Variants in KIF26A observed in about 807,000 individuals in gnomAD.
KIF26A encodes the protein kinesin-like protein KIF26A.
KIF26A carries 74 observed loss-of-function variants against 126.0 expected under a neutral mutation model. The observed-to-expected ratio is 0.59, with a 90% CI of 0.49 to 0.71. The LOEUF is 0.71. Ranked by LOEUF, KIF26A falls within the 30% of genes least tolerant of loss-of-function variation. KIF26A has a pLI of 0.00. For synonymous variants in KIF26A, 1,445 were observed against 1,232.7 expected (o/e 1.17, Z -3.61); for missense variants, 2,984 against 2,763.3 (o/e 1.08, Z -1.79).
intron 2 of KIF26A, among the ~76,000 whole-genome samples, chr14:104,150,254 G>A (rs955450648): frequency 5.6e-5 from 8 of 141,872 alleles, no homozygotes; most frequent in Non-Finnish European, 1.1e-4. Flanking sequence ...AGGGCTCCTT[G>A]TGGCTGACCT....
At chr14:104,165,345 A>G (rs1423135998) in intron 4 of KIF26A, among the ~76,000 whole-genome samples, 10 of 119,594 alleles carry the variant, frequency 8.4e-5, no homozygotes, top group Non-Finnish European at 3.3e-5. Context: ...GTGTGTCTGT[A>G]TCATGTGTGC....
At chr14:104,165,619 GTA>G (rs1421944818) in intron 4 of KIF26A, among the ~76,000 whole-genome samples, 3 of 145,408 alleles carry the variant, frequency 2.1e-5, no homozygotes, top group African/African-American at 5.5e-5. Flanking sequence ...CTCTGTCTCT[GTA>G]TGCATGTGTG....
In KIF26A at chr14:104,157,157, C is replaced by T. The variant is rs75342798; in HGVS notation, c.736-598C>T. On this transcript the variant is annotated intron_variant, in intron 3 of 14. Transcript: ENST00000423312. ...GGAGCTCACGTTTGCTGGGCTGTCCCGGGCGTTTAATTACGTTTGTGCTTC... is the reference window on the plus strand; with the variant it reads ...GGAGCTCACGTTTGCTGGGCTGTCCTGGGCGTTTAATTACGTTTGTGCTTC... 9.2e-5 allele frequency among the ~76,000 whole-genome samples: 14 copies of T among 152,242 alleles called. No individual in the cohort carries two copies. In the East Asian group the frequency reaches 9.7e-4, roughly 11 times the overall value.
At chr14:104,157,181 TC>T (rs1350834615) in intron 3 of KIF26A, among the ~76,000 whole-genome samples, 1 of 152,170 alleles carries the variant, frequency 6.6e-6, no homozygotes, top group Non-Finnish European at 1.5e-5. Flanking sequence ...CGTTTGTGCT[TC>T]ATTATGAGGA....
chr14:104,160,586 G>A (rs1249008705), intron 4 of KIF26A, among the ~76,000 whole-genome samples: 1 of 152,208 alleles, frequency 6.6e-6, no homozygotes, highest in Non-Finnish European at 1.5e-5. Flanking sequence ...CCCAGCAAGT[G>A]TTCGGGAGGG....
chr14:104,168,198 C>T (rs1415014197), intron 5 of KIF26A, among the ~76,000 whole-genome samples: 5 of 152,152 alleles, frequency 3.3e-5, no homozygotes, highest in South Asian at 2.1e-4. Flanking sequence ...GTGCCAGGCT[C>T]GTGGGAGGGT....
At chr14:104,141,363 C>T (rs2037635461) in intron 2 of KIF26A, among the ~76,000 whole-genome samples, 1 of 152,236 alleles carries the variant, frequency 6.6e-6, no homozygotes, top group African/African-American at 2.4e-5. Context: ...AGATGAGCTT[C>T]CTTGAGGATA....
intron 3 of KIF26A, 95 bp from the exon 4 acceptor site, chr14:104,157,660 G>A (rs2037792477): frequency 1.5e-6 from 2 of 1,338,608 alleles, no homozygotes; most frequent in East Asian, 5.4e-5. Flanking sequence ...GCTGGGCTCT[G>A]GGGTGCCCAG....
At position 104,176,017 on chromosome 14, in the gene KIF26A, A is replaced by G. The variant is rs756106473; in HGVS notation, c.3229A>G (p.Ser1077Gly). Reference sequence around the variant, plus strand: ...GGGGTCCCGGCCAGTCAGCATCATCAGCAGCATCAATGATGAGTTTGACGC... The same window carrying G: ...GGGGTCCCGGCCAGTCAGCATCATCGGCAGCATCAATGATGAGTTTGACGC... Reference protein sequence around the residue: ...ASGSRPVSIISSINDEFDAYT... With the variant: ...ASGSRPVSIIGSINDEFDAYT... Residue 1077 changes from serine (S) to glycine (G), a missense_variant, in exon 12 of 15, where the codon AGC (serine) becomes GGC (glycine). Physicochemically the swap from Ser to Gly is moderately conservative, Grantham distance 56. Coordinates refer to ENST00000423312, the MANE Select transcript of KIF26A (RefSeq NM_015656.2). The G allele has an allele frequency of 8.2e-6, 13 of 1,591,278 alleles. No individual in the cohort carries two copies. The highest frequency in any genetic ancestry group is 1.3e-5 in the African/African-American group (1 of 74,638).
chr14:104,174,272 G>A lies in KIF26A; in HGVS notation c.2155G>A (p.Ala719Thr), dbSNP rs1253740821. 12 of 1,559,564 alleles carry A rather than the reference G, an allele frequency of 7.7e-6. No homozygotes were observed. Among genetic ancestry groups the A allele is most frequent in the Admixed American group, 1.9e-5 (1 of 53,254 alleles). The change falls in exon 11 of 15, where the codon GCC (alanine) becomes ACC (threonine). Residue 719 changes from alanine (A) to threonine (T), a missense_variant. Physicochemically the swap from Ala to Thr is moderately conservative, Grantham distance 58 (BLOSUM62 0). Transcript: ENST00000423312. ...HAETLSTVQL[A>T]ARIHRLRRKK... ...AGAGACACTCAGCACCGTGCAGCTC[G>A]CCGCCCGCATCCACCGCCTGCGCAG...
intron 5 of KIF26A, among the ~76,000 whole-genome samples, chr14:104,168,924 CTT>C (rs1480818047): frequency 6.6e-6 from 1 of 152,046 alleles, no homozygotes; most frequent in Non-Finnish European, 1.5e-5. Flanking sequence ...CTGGAAATCT[CTT>C]TGCCTAGCAC....
chr14:104,148,982 G>A lies in KIF26A; in HGVS notation c.289-3033G>A, dbSNP rs2037703953. 6.6e-6 allele frequency among the ~76,000 whole-genome samples: 1 copy of A among 152,210 alleles called. No individual in the cohort carries two copies. Among genetic ancestry groups the A allele is most frequent in the Admixed American group, 6.5e-5 (1 of 15,286 alleles). On this transcript the variant is annotated intron_variant, in intron 2 of 14. Transcript: ENST00000423312. The surrounding 1 kb of genome is among the most constrained non-coding windows in gnomAD (Gnocchi z 4.3). Reference sequence around the variant, plus strand: ...GGTCTCGGGTCCTCTGGGCTGGGCTGTGTGGCTCTGAGTGGCCCCGGCAAG... The same window carrying A: ...GGTCTCGGGTCCTCTGGGCTGGGCTATGTGGCTCTGAGTGGCCCCGGCAAG...
chr14:104,147,139 G>A (rs1440967722), intron 2 of KIF26A, among the ~76,000 whole-genome samples: 1 of 152,176 alleles, frequency 6.6e-6, no homozygotes, highest in African/African-American at 2.4e-5. Flanking sequence ...AGTGCACTGA[G>A]CATGCCTCTG....
intron 2 of KIF26A, among the ~76,000 whole-genome samples, chr14:104,142,202 G>A (rs1204056324): frequency 4.6e-5 from 7 of 152,140 alleles, no homozygotes; most frequent in Non-Finnish European, 1.0e-4. Flanking sequence ...GGCCGTAGGG[G>A]AGGGGGACAT....
At chr14:104,160,637 C>T (rs1248131692) in intron 4 of KIF26A, among the ~76,000 whole-genome samples, 1 of 152,150 alleles carries the variant, frequency 6.6e-6, no homozygotes, top group African/African-American at 2.4e-5. Flanking sequence ...TAGGAGTTCT[C>T]CGAAGGCTCT....
Position 104,152,305 on chromosome 14 carries a change from G to C in KIF26A, c.579G>C (p.Lys193Asn). The C allele has an allele frequency of 6.3e-7, 1 of 1,584,686 alleles. No homozygotes were observed. Among genetic ancestry groups the C allele is most frequent in the East Asian group, 2.3e-5 (1 of 43,450 alleles). ...QPGRAGPDRT[K>N]GLAWSPGPSV... ...GACGAGCTGGGCCAGACAGGACCAA[G>C]GGGCTGGCCTGGTCCCCCGGGCCCA... The change falls in exon 3 of 15, where the codon AAG becomes AAC. Residue 193 changes from lysine to asparagine, a missense_variant. Physicochemically the swap from Lys to Asn is moderately conservative, Grantham distance 94 (BLOSUM62 0). Transcript: ENST00000423312. This position sits in a 1 kb window ranked among gnomAD's most constrained non-coding sequence, Gnocchi z 5.9.
intron 4 of KIF26A, 105 bp from the exon 5 acceptor site, chr14:104,166,754 T>C (rs2037907696): frequency 1.8e-6 from 2 of 1,101,584 alleles, no homozygotes; most frequent in Admixed American, 2.8e-5. Flanking sequence ...CCTGGGATGG[T>C]GGCTGATGAA....
Position 104,173,370 on chromosome 14 carries a change from A to T in KIF26A, c.1724A>T (p.Lys575Met). ...GAGCTGCGGGCACCCACGGCCGAGAAGGCGGCTTTCTACCTGGATGCGGCC... is the reference window on the plus strand; with the variant it reads ...GAGCTGCGGGCACCCACGGCCGAGATGGCGGCTTTCTACCTGGATGCGGCC... ...QSELRAPTAE[K>M]AAFYLDAALA... Residue 575 changes from lysine (K) to methionine (M), a missense_variant, in exon 9 of 15, where the codon AAG becomes ATG. By Grantham distance (95) the Lys-to-Met change is moderately conservative. Coordinates refer to ENST00000423312, the MANE Select transcript of KIF26A (RefSeq NM_015656.2). 1 of 1,596,736 alleles carries T rather than the reference A, an allele frequency of 6.3e-7. No individual in the cohort carries two copies. Among genetic ancestry groups the T allele is most frequent in the Non-Finnish European group, 8.5e-7 (1 of 1,172,676 alleles).
At chr14:104,179,056 C>T (rs368535152) in intron 13 of KIF26A, among the ~76,000 whole-genome samples, 180 bp from the exon 14 acceptor site, 14 of 152,276 alleles carry the variant, frequency 9.2e-5, no homozygotes, top group African/African-American at 3.4e-4. Context: ...TAGAGCCGAG[C>T]CAGGACCCAG....
Sources: gnomAD v4.1 joint callset for allele counts (sites outside exome capture counted in the v4.1 genomes callset) on GRCh38, gnomAD v4.1.1 for gene constraint, Gnocchi (gnomAD v3.1) non-coding constraint, MANE v1.5 for transcripts, NCBI Gene and HGNC (gene_info 2026-07-23, HGNC 2026-07-21) for gene names.